Variants in NRG1 observed in about 807,000 individuals in gnomAD.
NRG1 encodes pro-neuregulin-1, membrane-bound isoform.
NRG1 carries 18 observed loss-of-function variants against 63.8 expected under a neutral mutation model. The observed-to-expected ratio is 0.28, with a 90% CI of 0.19 to 0.42. The LOEUF is 0.42. Ranked by LOEUF, NRG1 falls within the 10% of genes least tolerant of loss-of-function variation. The probability of loss-of-function intolerance (pLI) is 1.00; values close to 1 mark genes in which losing one functional copy is unlikely to be tolerated. For missense variants in NRG1, 762 were observed against 814.7 expected (o/e 0.94, Z 0.79); for synonymous variants, 302 against 301.3 (o/e 1.00, Z -0.02).
intron 1 of NRG1, among the ~76,000 whole-genome samples, chr8:32,024,410 G>A (rs1038674035): frequency 6.6e-6 from 1 of 152,228 alleles, no homozygotes; most frequent in Non-Finnish European, 1.5e-5. Flanking sequence ...GCAAAGGGGA[G>A]CGGAAGGGCA....
intron 1 of NRG1, among the ~76,000 whole-genome samples, chr8:32,186,037 C>T (rs912042342): frequency 2.6e-5 from 4 of 152,134 alleles, no homozygotes; most frequent in Non-Finnish European, 4.4e-5. Context: ...AAGCATTTTC[C>T]TCAAAGTATA....
At chr8:31,783,910 T>C (rs930798492) in intron 1 of NRG1, among the ~76,000 whole-genome samples, 4 of 152,178 alleles carry the variant, frequency 2.6e-5, no homozygotes, top group African/African-American at 9.7e-5. Flanking sequence ...CTAGGCAAGG[T>C]GCTACTAACC....
At chr8:31,747,358 C>A (rs1815992706) in intron 1 of NRG1, among the ~76,000 whole-genome samples, 1 of 151,834 alleles carries the variant, frequency 6.6e-6, no homozygotes, top group Admixed American at 6.6e-5. Context: ...AAGGCACTGC[C>A]TGGGTTTGTG....
intron 1 of NRG1, among the ~76,000 whole-genome samples, chr8:32,069,441 T>C (rs1412605690): frequency 6.6e-6 from 1 of 152,206 alleles, no homozygotes; most frequent in African/African-American, 2.4e-5. Context: ...AGAAGTAAGG[T>C]GCAGAAAATG....
chr8:31,978,172 T>C (rs1808503796), intron 1 of NRG1, among the ~76,000 whole-genome samples: 1 of 152,128 alleles, frequency 6.6e-6, no homozygotes, highest in Non-Finnish European at 1.5e-5. Context: ...ATAGCACTGA[T>C]TTATTTCCTC....
intron 1 of NRG1, among the ~76,000 whole-genome samples, chr8:31,859,830 T>C (rs1342736481): frequency 6.6e-6 from 1 of 152,254 alleles, no homozygotes; most frequent in Non-Finnish European, 1.5e-5. Context: ...CAAAGTCAAA[T>C]GGAACCTGGA....
chr8:32,045,245 A>G (rs559332251), intron 1 of NRG1, among the ~76,000 whole-genome samples: 2 of 152,048 alleles, frequency 1.3e-5, no homozygotes, highest in South Asian at 2.1e-4. Flanking sequence ...AGCTTTCAGA[A>G]TGTGAAGCAC....
chr8:32,685,178 T>C (rs1176163129), intron 5 of NRG1, among the ~76,000 whole-genome samples: 1 of 152,184 alleles, frequency 6.6e-6, no homozygotes. Flanking sequence ...TAGTACTAAA[T>C]ATTCTTACAT....
At chr8:31,733,371 A>C (rs1472312369) in intron 1 of NRG1, among the ~76,000 whole-genome samples, 1 of 152,118 alleles carries the variant, frequency 6.6e-6, no homozygotes, top group Admixed American at 6.6e-5. Context: ...TAGTTCTTTA[A>C]ACTCTCTAAG....
At chr8:31,793,761 C>G (rs1431729403) in intron 1 of NRG1, among the ~76,000 whole-genome samples, 1 of 152,150 alleles carries the variant, frequency 6.6e-6, no homozygotes, top group South Asian at 2.1e-4. Context: ...AATTTATTTT[C>G]TACTTGTGAG....
chr8:31,913,982 C>T (rs1274041315), intron 1 of NRG1, among the ~76,000 whole-genome samples: 1 of 152,126 alleles, frequency 6.6e-6, no homozygotes, highest in African/African-American at 2.4e-5. Flanking sequence ...AAACCCAAAT[C>T]GAGCAGTACA....
intron 3 of NRG1, among the ~76,000 whole-genome samples, chr8:32,609,271 C>A (rs1298495835): frequency 6.6e-6 from 1 of 152,160 alleles, no homozygotes; most frequent in East Asian, 1.9e-4. Flanking sequence ...CCACTGCTAT[C>A]TAAGAATTTG....
At chr8:31,816,165 C>T (rs1200571437) in intron 1 of NRG1, among the ~76,000 whole-genome samples, 1 of 152,158 alleles carries the variant, frequency 6.6e-6, no homozygotes, top group Non-Finnish European at 1.5e-5. Context: ...AGCAAATTAA[C>T]ATCATTAGGC....
intron 1 of NRG1, among the ~76,000 whole-genome samples, chr8:31,936,744 A>G (rs549495494): frequency 1.3e-5 from 2 of 152,348 alleles, no homozygotes; most frequent in South Asian, 4.1e-4. Flanking sequence ...TCACGTACAG[A>G]GTACAACAAG....
At chr8:32,542,756 C>A (rs1376247803) in intron 1 of NRG1, among the ~76,000 whole-genome samples, 1 of 152,158 alleles carries the variant, frequency 6.6e-6, no homozygotes, top group Admixed American at 6.5e-5. Context: ...CAAAAAGTGA[C>A]TGGATTAAAT....
chr8:32,168,265 G>C (rs1432611706), intron 1 of NRG1, among the ~76,000 whole-genome samples: 2 of 152,158 alleles, frequency 1.3e-5, no homozygotes, highest in Non-Finnish European at 2.9e-5. Context: ...AAGGATATGA[G>C]TTCAAAAAAA....
chr8:31,699,285 C>T (rs1193913744), intron 1 of NRG1, among the ~76,000 whole-genome samples: 1 of 152,034 alleles, frequency 6.6e-6, no homozygotes, highest in Non-Finnish European at 1.5e-5. Flanking sequence ...CTTTACAGAG[C>T]CCTTTTAGAA....
At chr8:32,141,748 C>T (rs957559362) in intron 1 of NRG1, among the ~76,000 whole-genome samples, 2 of 151,534 alleles carry the variant, frequency 1.3e-5, no homozygotes, top group South Asian at 4.2e-4. Flanking sequence ...CATACACATT[C>T]GTTCCACAGA....
At chr8:31,719,420 T>C (rs1812682075) in intron 1 of NRG1, among the ~76,000 whole-genome samples, 1 of 152,220 alleles carries the variant, frequency 6.6e-6, no homozygotes, top group Admixed American at 6.5e-5. Flanking sequence ...TGAAATTGTG[T>C]CTTCATTTGT....
Sources: gnomAD v4.1 joint callset for allele counts (sites outside exome capture counted in the v4.1 genomes callset) on GRCh38, gnomAD v4.1.1 for gene constraint, MANE v1.5 for transcripts, NCBI Gene and HGNC (gene_info 2026-07-23, HGNC 2026-07-21) for gene names.